The following UNC80 variants were observed in gnomAD, a reference collection of about 807,000 sequenced individuals.
The protein encoded by UNC80 is protein unc-80 homolog.
In UNC80, 164 loss-of-function variants were observed where a neutral mutation model predicts 384.6. The ratio of observed to expected loss-of-function variants is 0.43; its 90% CI spans 0.38 to 0.49. The LOEUF (loss-of-function observed/expected upper bound fraction) is 0.49, where lower values mean the gene tolerates loss of function less well. Ranked by LOEUF, UNC80 falls within the 20% of genes least tolerant of loss-of-function variation. The probability of loss-of-function intolerance (pLI) is 0.00; values close to 1 mark genes in which losing one functional copy is unlikely to be tolerated. For synonymous variants in UNC80, 1,486 were observed against 1,527.8 expected, an observed-to-expected ratio of 0.97 and a Z score of 0.64; for missense variants, 3,330 against 4,143.0, an observed-to-expected ratio of 0.80 and a Z score of 5.39.
intron 18 of UNC80, among the ~76,000 whole-genome samples, chr2:209,837,281 T>C (rs1212507360): frequency 6.6e-6 from 1 of 152,192 alleles, no homozygotes; most frequent in Non-Finnish European, 1.5e-5. Context: ...TAAATAAGTT[T>C]CATCAAATAT....
chr2:209,923,496 C>A (rs180774194), intron 35 of UNC80, among the ~76,000 whole-genome samples: 4 of 152,168 alleles, frequency 2.6e-5, no homozygotes, highest in Admixed American at 2.6e-4. Flanking sequence ...TTTCTTGGCA[C>A]CTTTGTCAAA....
At position 209,937,633 on chromosome 2, in the gene UNC80, G is replaced by A. The variant is rs2124974237; in HGVS notation, c.6465+3G>A. The stretch of plus-strand genomic sequence containing the variant: ...GACAGGAGCTCATTCAGAAACAGGT[G>A]ACAGACCACGTCAGTTTTATTCCAT... On this transcript the variant is annotated splice_donor_region_variant and intron_variant, in intron 42 of 64. Transcript: ENST00000673920. 4 of 1,542,234 alleles carry A rather than the reference G, an allele frequency of 2.6e-6. No individual in the cohort carries two copies. Among genetic ancestry groups the A allele is most frequent in the Non-Finnish European group, 3.5e-6 (4 of 1,138,082 alleles).
At chr2:209,841,551 CA>C (rs1330597569) in intron 20 of UNC80, among the ~76,000 whole-genome samples, 1 of 151,996 alleles carries the variant, frequency 6.6e-6, no homozygotes, top group Non-Finnish European at 1.5e-5. Context: ...GGGGTTTCAC[CA>C]TGTTGGCCAG....
chr2:209,961,946 C>G (rs548043541), intron 51 of UNC80, among the ~76,000 whole-genome samples: 25 of 152,232 alleles, frequency 1.6e-4, no homozygotes, highest in Middle Eastern at 3.4e-3. Context: ...TTAAGTTTAA[C>G]AAAGTATGGA....
At chr2:209,844,896 C>T (rs2082067743) in intron 21 of UNC80, among the ~76,000 whole-genome samples, 1 of 151,948 alleles carries the variant, frequency 6.6e-6, no homozygotes. Context: ...AACCACCATG[C>T]CTGCCCTAAT....
In UNC80 at chr2:209,842,420, A is replaced by C. The variant is rs78912192; in HGVS notation, c.3428A>C (p.Glu1143Ala). 8.3e-4 allele frequency: 1,288 copies of C among 1,550,916 alleles called. 2 individuals are homozygous for C. The highest frequency in any genetic ancestry group is 1.0e-3 in the Non-Finnish European group (1,192 of 1,146,404). The change falls in exon 21 of 65, where the codon GAA becomes GCA. Residue 1143 changes from glutamate to alanine, a missense_variant. Transcript: ENST00000673920. Reference sequence around the variant, plus strand: ...AGTGGCATGGAAAATGGAAGAGATGAAGAGGAGAATTTCTTCAAGCGTCTT... The same window carrying C: ...AGTGGCATGGAAAATGGAAGAGATGCAGAGGAGAATTTCTTCAAGCGTCTT... ...PGSGMENGRDEEENFFKRLGC... is the reference protein window; with the variant it reads ...PGSGMENGRDAEENFFKRLGC...
Position 209,945,074 on chromosome 2 carries a change from C to T in UNC80, c.7074C>T (p.Ser2358=), listed in dbSNP as rs1485964793. ...AGGATGCTGCCAATAATGGGCCCAG[C>T]AAAGGTGTGTCAGCTCAGTGCCTGT... is the stretch of plus-strand genomic sequence containing the variant. ...EFPDAANNGP[S]KGVSAQCLFD... is the part of the protein sequence containing the mutation. Residue 2358 remains serine, a synonymous_variant, in exon 46 of 65, where the codon AGC becomes AGT. Coordinates refer to ENST00000673920, the MANE Select transcript of UNC80 (RefSeq NM_001371986.1). 1.3e-6 allele frequency: 2 copies of T among 1,551,492 alleles called. No homozygotes were observed. Among genetic ancestry groups the T allele is most frequent in the South Asian group, 1.2e-5 (1 of 84,004 alleles).
chr2:209,943,432 C>T lies in UNC80; in HGVS notation c.6968C>T (p.Ala2323Val). ...CAGCTGCGTCAAGCCATCGAATTTG[C>T]CTGTCACCAGTTCTATATTCTACAC... is the stretch of plus-strand genomic sequence containing the variant. ...NPQLRQAIEFACHQFYILHRK... is the reference protein window; with the variant it reads ...NPQLRQAIEFVCHQFYILHRK... Residue 2323 changes from alanine (A) to valine (V), a missense_variant, in exon 45 of 65, where the codon GCC becomes GTC. Coordinates refer to ENST00000673920, the MANE Select transcript of UNC80 (RefSeq NM_001371986.1). The T allele has an allele frequency of 6.4e-7, 1 of 1,552,140 alleles. No homozygotes were observed. Among genetic ancestry groups the T allele is most frequent in the Non-Finnish European group, 8.7e-7 (1 of 1,147,058 alleles).
intron 13 of UNC80, among the ~76,000 whole-genome samples, chr2:209,822,628 G>A (rs2080222159): frequency 6.6e-6 from 1 of 152,146 alleles, no homozygotes; most frequent in Admixed American, 6.5e-5. Flanking sequence ...CAACTAAACT[G>A]ATAGGTTTTG....
chr2:209,930,258 T>C (rs1471079758), intron 37 of UNC80, among the ~76,000 whole-genome samples: 1 of 152,132 alleles, frequency 6.6e-6, no homozygotes, highest in Non-Finnish European at 1.5e-5. Context: ...AGTACCTTCA[T>C]TGAATTCTGA....
chr2:209,862,314 G>C (rs865864827), intron 22 of UNC80, among the ~76,000 whole-genome samples: 1 of 152,182 alleles, frequency 6.6e-6, no homozygotes, highest in African/African-American at 2.4e-5. Context: ...TTGGGATGGA[G>C]AGTTCTGTAG....
At chr2:209,823,835 A>G (rs1460204859) in intron 13 of UNC80, among the ~76,000 whole-genome samples, 2 of 152,050 alleles carry the variant, frequency 1.3e-5, no homozygotes, top group African/African-American at 2.4e-5. Context: ...TAGTTAGTAA[A>G]TGTTGAAGCT....
chr2:209,978,472 G>T, intron 58 of UNC80, 57 bp from the exon 59 acceptor site: 1 of 1,408,838 alleles, frequency 7.1e-7, no homozygotes, highest in South Asian at 1.5e-5. Flanking sequence ...GGAGGACTTT[G>T]AAGTGGACAT....
intron 33 of UNC80, among the ~76,000 whole-genome samples, chr2:209,920,713 G>A (rs769979201): frequency 1.5e-4 from 23 of 152,076 alleles, no homozygotes; most frequent in Non-Finnish European, 3.1e-4. Flanking sequence ...AAATACTTGA[G>A]CTACAGAAAT....
intron 27 of UNC80, among the ~76,000 whole-genome samples, 181 bp from the exon 28 acceptor site, chr2:209,896,132 C>T (rs1019299078): frequency 6.6e-6 from 1 of 152,116 alleles, no homozygotes; most frequent in Non-Finnish European, 1.5e-5. Context: ...GCCAGTTCAG[C>T]TGGTGGTGAA....
intron 62 of UNC80, among the ~76,000 whole-genome samples, chr2:209,992,797 CA>C (rs2093416693): frequency 6.6e-6 from 1 of 152,186 alleles, no homozygotes; most frequent in Admixed American, 6.5e-5. Context: ...TAATTTAAAG[CA>C]AACTGAAGTA....
Position 209,815,204 on chromosome 2 carries a change from C to T in UNC80, c.1201-53C>T, listed in dbSNP as rs199746179. On this transcript the variant is annotated intron_variant, in intron 8 of 64. Coordinates refer to ENST00000673920, the MANE Select transcript of UNC80 (RefSeq NM_001371986.1). ...TAAAAATGTGACATTTCAATAAGAA[C>T]AGTATTTGGATGTAAAGTCCTAAGT... The T allele has an allele frequency of 1.4e-4, 206 of 1,507,188 alleles. 1 individual carries two copies. The highest frequency in any genetic ancestry group is 1.7e-4 in the Middle Eastern group (1 of 5,810). The allele number at this position is 1,507,188 out of a possible 1,614,324, so 93.4% of individuals were successfully genotyped here.
At position 209,937,687 on chromosome 2, in the gene UNC80, C is replaced by A; in HGVS notation, c.6465+57C>A. The A allele has an allele frequency of 3.0e-6, 4 of 1,329,660 alleles. No individual in the cohort carries two copies. The South Asian group carries it at 5.1e-5, about 17-fold the overall frequency. 82.4% of individuals were successfully genotyped at this position (1,329,660 alleles called of 1,614,324 possible). ...TTTGTCATGTTGTTGGAGTAGATAT[C>A]TGTTCATACTTTGCCAACTTTGAGA... On this transcript the variant is annotated intron_variant, in intron 42 of 64. Coordinates refer to ENST00000673920, the MANE Select transcript of UNC80 (RefSeq NM_001371986.1).
chr2:209,946,369 GAA>G (rs553758753), intron 47 of UNC80, among the ~76,000 whole-genome samples: 3 of 108,890 alleles, frequency 2.8e-5, no homozygotes, highest in East Asian at 2.6e-4. Flanking sequence ...GACTTTGTCA[GAA>G]AAAAAAAAAA....
Sources: allele counts gnomAD v4.1 joint callset (sites outside exome capture counted in the v4.1 genomes callset), GRCh38; gene constraint gnomAD v4.1.1; transcripts MANE v1.5; gene names NCBI Gene and HGNC (gene_info 2026-07-23, HGNC 2026-07-21).